The following PTPRN2 variants were observed in gnomAD, a reference collection of about 807,000 sequenced individuals.
The protein encoded by PTPRN2 is protein tyrosine phosphatase receptor type N2.
PTPRN2 carries 74 observed loss-of-function variants against 118.8 expected under a neutral mutation model. The observed-to-expected ratio is 0.62, with a 90% CI of 0.52 to 0.76. PTPRN2 has a LOEUF of 0.76. Among genes scored for constraint, PTPRN2 ranks in the 30% least tolerant of loss-of-function variants. The probability of loss-of-function intolerance (pLI) is 0.00; values close to 1 mark genes in which losing one functional copy is unlikely to be tolerated. For missense variants in PTPRN2, 1,481 were observed against 1,394.4 expected (o/e 1.06, Z -0.99); for synonymous variants, 641 against 608.0 (o/e 1.05, Z -0.80).
At chr7:157,637,271 A>G (rs1804377615) in intron 14 of PTPRN2, among the ~76,000 whole-genome samples, 1 of 152,216 alleles carries the variant, frequency 6.6e-6, no homozygotes, top group Non-Finnish European at 1.5e-5. Flanking sequence ...CAAGAGAAAG[A>G]AAACAGTTCA....
rs1398477069 is a variant in PTPRN2 at position 157,787,137 on chromosome 7, G to A, written c.1789-104200C>T. On this transcript the variant is annotated intron_variant, in intron 12 of 22. Coordinates refer to ENST00000389418, the MANE Select transcript of PTPRN2 (RefSeq NM_002847.5). The surrounding 1 kb of genome is among the most constrained non-coding windows in gnomAD (Gnocchi z 5.3). The stretch of plus-strand genomic sequence containing the variant: ...GGGTGCGGCGGGGGACGCGGGGGTG[G>A]CTGCCCGGGAGGCGGACGCGGGTGC... Among the ~76,000 whole-genome samples the A allele has an allele frequency of 7.0e-6, 1 of 143,864 alleles. No homozygotes were observed. Among genetic ancestry groups the A allele is most frequent in the African/African-American group, 2.6e-5 (1 of 38,796 alleles). 94.4% of individuals were successfully genotyped at this position (143,864 alleles called of 152,430 possible). A position where few individuals can be genotyped will look rare whatever the true frequency, so the allele number is the denominator to read the frequency against.
At chr7:158,489,184 G>A (rs1021736038) in intron 2 of PTPRN2, among the ~76,000 whole-genome samples, 11 of 152,228 alleles carry the variant, frequency 7.2e-5, no homozygotes, top group Non-Finnish European at 1.2e-4. Context: ...GGTGACTCAC[G>A]CCTGTAATCC....
chr7:157,856,762 C>G (rs1380018986), intron 12 of PTPRN2, among the ~76,000 whole-genome samples: 1 of 152,192 alleles, frequency 6.6e-6, no homozygotes, highest in African/African-American at 2.4e-5. Context: ...CCTCACCTCA[C>G]CCAGAATCTT....
At chr7:158,131,173 AC>A (rs1436871833) in intron 9 of PTPRN2, among the ~76,000 whole-genome samples, 1 of 150,676 alleles carries the variant, frequency 6.6e-6, no homozygotes, top group Admixed American at 6.6e-5. Context: ...TGCACATCAT[AC>A]CAATACACAT....
intron 11 of PTPRN2, among the ~76,000 whole-genome samples, chr7:158,008,040 GGT>G (rs1291878366): frequency 2.0e-5 from 3 of 146,780 alleles, no homozygotes; most frequent in East Asian, 2.0e-4. Context: ...TGGGGGTGTG[GGT>G]GTGTGTGGAG....
At position 157,615,434 on chromosome 7, in the gene PTPRN2, A is replaced by C. The variant is rs557587075; in HGVS notation, c.2344+5928T>G. 1 of 471,162 alleles carries C rather than the reference A, an allele frequency of 2.1e-6. No individual in the cohort carries two copies. Among genetic ancestry groups the C allele is most frequent in the African/African-American group, 2.0e-5 (1 of 50,212 alleles). The allele number at this position is 471,162 out of a possible 1,614,324, so 29.2% of individuals were successfully genotyped here. A position where few individuals can be genotyped will look rare whatever the true frequency, so the allele number is the denominator to read the frequency against. ...GAATCTCAGGGCTGTTTCGAGGATG[A>C]AAAGGAGGTGTTTAGCCCCGAGCCT... On this transcript the variant is annotated intron_variant, in intron 15 of 22. Transcript: ENST00000389418. The surrounding 1 kb of genome is among the most constrained non-coding windows in gnomAD (Gnocchi z 4.3).
intron 3 of PTPRN2, among the ~76,000 whole-genome samples, chr7:158,268,814 C>T (rs1798089949): frequency 6.9e-6 from 1 of 145,088 alleles, no homozygotes; most frequent in Non-Finnish European, 1.5e-5. Context: ...AATATCCCAG[C>T]CGCACGCACA....
At chr7:158,485,036 C>T (rs969628123) in intron 2 of PTPRN2, among the ~76,000 whole-genome samples, 8 of 152,234 alleles carry the variant, frequency 5.3e-5, no homozygotes, top group South Asian at 2.1e-4. Context: ...GCCAGCGTCC[C>T]GGGAGGGCAC....
At chr7:157,895,259 G>A (rs1372805999) in intron 12 of PTPRN2, among the ~76,000 whole-genome samples, 2 of 150,284 alleles carry the variant, frequency 1.3e-5, no homozygotes, top group African/African-American at 2.4e-5. Flanking sequence ...GTCTGGACGA[G>A]ACCATAAAAT....
chr7:157,997,337 C>A (rs756211287), intron 11 of PTPRN2, among the ~76,000 whole-genome samples: 1 of 152,248 alleles, frequency 6.6e-6, no homozygotes, highest in South Asian at 2.1e-4. Flanking sequence ...CCCCACAGGG[C>A]AGGACCCCCT....
At chr7:158,097,314 C>T (rs1038548300) in intron 10 of PTPRN2, among the ~76,000 whole-genome samples, 8 of 152,188 alleles carry the variant, frequency 5.3e-5, no homozygotes, top group African/African-American at 1.7e-4. Flanking sequence ...TCCCGCGCCC[C>T]GTGCACAGAG....
chr7:158,188,918 G>A (rs895818450), intron 5 of PTPRN2, among the ~76,000 whole-genome samples: 4 of 152,158 alleles, frequency 2.6e-5, no homozygotes, highest in African/African-American at 7.2e-5. Context: ...TTGGCCTAAT[G>A]AGCACTGAGC....
intron 12 of PTPRN2, among the ~76,000 whole-genome samples, chr7:157,768,461 T>TA (rs1405706646): frequency 1.3e-5 from 2 of 152,164 alleles, no homozygotes; most frequent in Admixed American, 6.5e-5. Context: ...CGCCCCACGC[T>TA]GGCCTCCCGT....
intron 21 of PTPRN2, among the ~76,000 whole-genome samples, chr7:157,549,844 C>T (rs1344134591): frequency 1.3e-5 from 2 of 152,290 alleles, no homozygotes; most frequent in South Asian, 2.1e-4. Flanking sequence ...GAGGCAGCTC[C>T]GAAGCGGGTC....
At chr7:158,304,150 C>T (rs1402914108) in intron 3 of PTPRN2, among the ~76,000 whole-genome samples, 1 of 148,672 alleles carries the variant, frequency 6.7e-6, no homozygotes, top group Admixed American at 6.7e-5. Context: ...CATCAATACA[C>T]ATAAGATGTA....
intron 4 of PTPRN2, among the ~76,000 whole-genome samples, chr7:158,203,001 A>C (rs1826755720): frequency 6.6e-6 from 1 of 152,132 alleles, no homozygotes; most frequent in Non-Finnish European, 1.5e-5. Flanking sequence ...TGGGAGGCCA[A>C]GGTGGGCGGA....
rs1585355129 is a variant in PTPRN2, at chr7:157,743,621, T to C, written c.1789-60684A>G. Among the ~76,000 whole-genome samples the C allele has an allele frequency of 4.0e-5, 6 of 151,042 alleles. No homozygotes were observed. The East Asian group carries it at 1.2e-3, about 30-fold the overall frequency. On this transcript the variant is annotated intron_variant, in intron 12 of 22. Transcript: ENST00000389418. The stretch of plus-strand genomic sequence containing the variant: ...GCTGAGTTGGGCTCCTGGCAAGCCA[T>C]GGCTGGGATAGCTATCTCCGGGTTG...
intron 5 of PTPRN2, among the ~76,000 whole-genome samples, chr7:158,172,124 C>T (rs1268646158): frequency 6.6e-6 from 1 of 152,154 alleles, no homozygotes. Flanking sequence ...GCAGAACCCA[C>T]TCGCCCACAC....
rs1434439624 is a variant in PTPRN2, at chr7:158,431,636, GACACACTGGCTCACATCGAGC to G, written c.163+58078_163+58098del. ...CTGGCTCGCACTGGGCACACACCAG[GACACACTGGCTCACATCGAGC>G]ACACACTGGCTCACACTGGGCACAT... is the stretch of plus-strand genomic sequence containing the variant. On this transcript the variant is annotated intron_variant, in intron 2 of 22. Transcript: ENST00000389418. 9.4e-3 allele frequency among the ~76,000 whole-genome samples: 1,306 copies of G among 138,786 alleles called. 13 individuals are homozygous for G. The highest frequency in any genetic ancestry group is 0.035 in the Middle Eastern group (7 of 198). The allele number at this position is 138,786 out of a possible 152,430, so 91.0% of individuals were successfully genotyped here.
Sources: allele counts gnomAD v4.1 joint callset (sites outside exome capture counted in the v4.1 genomes callset), GRCh38; gene constraint gnomAD v4.1.1; non-coding constraint Gnocchi (gnomAD v3.1); transcripts MANE v1.5; gene names NCBI Gene and HGNC (gene_info 2026-07-23, HGNC 2026-07-21).